Variants in SAG observed in about 807,000 individuals in gnomAD.
SAG encodes the protein S-antigen visual arrestin.
SAG carries 45 observed loss-of-function variants against 55.0 expected under a neutral mutation model. The observed-to-expected ratio is 0.82, with a 90% confidence interval of 0.64 to 1.05. The LOEUF (loss-of-function observed/expected upper bound fraction) is 1.05, where lower values mean the gene tolerates loss of function less well. Among genes scored for constraint, SAG ranks in the 50% least tolerant of loss-of-function variants. The pLI, the probability that SAG is intolerant of heterozygous loss-of-function variation, is 0.00. For missense variants in SAG, 455 were observed against 512.1 expected (o/e 0.89, Z 1.08); for synonymous variants, 189 against 197.4 (o/e 0.96, Z 0.36).
At chr2:233,326,157 G>A (rs189686172) in intron 6 of SAG, among the ~76,000 whole-genome samples, 8 of 152,254 alleles carry the variant, frequency 5.3e-5, no homozygotes, top group Admixed American at 2.0e-4. Context: ...TGGGGGCCAG[G>A]GGCTTCACAC....
intron 12 of SAG, among the ~76,000 whole-genome samples, chr2:233,339,897 A>G (rs1042081207): frequency 2.0e-5 from 3 of 151,880 alleles, no homozygotes; most frequent in Non-Finnish European, 4.4e-5. Flanking sequence ...TTCTGACCTC[A>G]AGTGATCTGC....
At chr2:233,317,105 G>C (rs1330451464) in intron 3 of SAG, among the ~76,000 whole-genome samples, 2 of 152,130 alleles carry the variant, frequency 1.3e-5, no homozygotes, top group African/African-American at 4.8e-5. Context: ...CAAGTGATCT[G>C]CCTGCCTTAG....
intron 6 of SAG, among the ~76,000 whole-genome samples, chr2:233,323,835 T>C (rs1175311232): frequency 1.3e-5 from 2 of 152,056 alleles, no homozygotes; most frequent in Non-Finnish European, 2.9e-5. Context: ...GTCTCACACA[T>C]TAACCGAGAG....
chr2:233,319,928 C>A lies in SAG; in HGVS notation c.182-702C>A. 1.0e-6 allele frequency: 1 copy of A among 985,580 alleles called. No homozygotes were observed. Among genetic ancestry groups the A allele is most frequent in the Non-Finnish European group, 1.2e-6 (1 of 829,952 alleles). 61.1% of individuals were successfully genotyped at this position (985,580 alleles called of 1,614,324 possible). On this transcript the variant is annotated intron_variant, in intron 4 of 15. Coordinates refer to ENST00000409110, the MANE Select transcript of SAG (RefSeq NM_000541.5). This position sits in a 1 kb window ranked among gnomAD's most constrained non-coding sequence, Gnocchi z 4.4. ...CCACGCACTTGGCGGGGCCGCCTCT[C>A]GTGCTTTATATTTGAGAAATATGTG... is the stretch of plus-strand genomic sequence containing the variant.
intron 14 of SAG, chr2:233,343,608 CAATCATTCTCTTTCT>C: frequency 9.2e-7 from 1 of 1,088,636 alleles, no homozygotes; most frequent in South Asian, 1.4e-5. Context: ...AATTTGATCT[CAATCATTCTCTTTCT>C]AAAAAGGTAA....
intron 13 of SAG, among the ~76,000 whole-genome samples, chr2:233,341,363 A>G (rs1023930605): frequency 6.6e-6 from 1 of 152,128 alleles, no homozygotes; most frequent in African/African-American, 2.4e-5. Context: ...ATGTTTCTTA[A>G]CTTGCTGCTG....
At chr2:233,331,477 A>G (rs1700760720) in intron 9 of SAG, 163 bp from the exon 10 acceptor site, 2 of 684,862 alleles carry the variant, frequency 2.9e-6, no homozygotes, top group Non-Finnish European at 5.3e-6. Flanking sequence ...CAGGACTTCA[A>G]AACCCCAGCC....
intron 2 of SAG, among the ~76,000 whole-genome samples, chr2:233,314,252 C>T (rs529067449): frequency 3.9e-5 from 6 of 151,958 alleles, no homozygotes; most frequent in African/African-American, 1.4e-4. Flanking sequence ...AGAAAGAGCT[C>T]CATGCGCCAC....
Position 233,340,568 on chromosome 2 carries a change from G to A in SAG, c.1046+90G>A. 1 of 996,278 alleles carries A rather than the reference G, an allele frequency of 1.0e-6. No homozygotes were observed. Among genetic ancestry groups the A allele is most frequent in the Non-Finnish European group, 1.6e-6 (1 of 638,830 alleles). The allele number at this position is 996,278 out of a possible 1,614,324, so 61.7% of individuals were successfully genotyped here. A position where few individuals can be genotyped will look rare whatever the true frequency, so the allele number is the denominator to read the frequency against. On this transcript the variant is annotated intron_variant, in intron 13 of 15. Transcript: ENST00000409110. The surrounding 1 kb of genome is among the most constrained non-coding windows in gnomAD (Gnocchi z 4.2). ...TCCAAAACGGTTTCTGATGAAAGCT[G>A]CTTTCTGGACAGTTGTGCTCAGAGG...
intron 12 of SAG, chr2:233,338,970 A>C: frequency 1.5e-6 from 1 of 660,338 alleles, no homozygotes; most frequent in Non-Finnish European, 2.8e-6. Flanking sequence ...GCAGACTCTG[A>C]AATGTGTGCA....
chr2:233,312,903 A>T (rs1346289480), intron 2 of SAG, among the ~76,000 whole-genome samples: 1 of 152,104 alleles, frequency 6.6e-6, no homozygotes, highest in East Asian at 1.9e-4. Context: ...CAGGGGCACA[A>T]TTGCCAGTTC....
rs961526984 is a variant in SAG at position 233,335,042 on chromosome 2, G to A, written c.887G>A (p.Gly296Asp). The A allele has an allele frequency of 3.1e-6, 5 of 1,613,996 alleles. No homozygotes were observed. Among genetic ancestry groups the A allele is most frequent in the Admixed American group, 1.7e-5 (1 of 60,030 alleles). The change falls in exon 11 of 16, where the codon GGC (glycine) becomes GAC (aspartate). Residue 296 changes from glycine (G) to aspartate (D), a missense_variant. Coordinates refer to ENST00000409110, the MANE Select transcript of SAG (RefSeq NM_000541.5). ...CTGGCTAACAATCGAGAAAGGAGAGGCATTGCCCTGGATGGGAAAATCAAG... is the reference window on the plus strand; with the variant it reads ...CTGGCTAACAATCGAGAAAGGAGAGACATTGCCCTGGATGGGAAAATCAAG... ...PLLANNRERRGIALDGKIKHE... is the reference protein window; with the variant it reads ...PLLANNRERRDIALDGKIKHE...
Position 233,339,538 on chromosome 2 carries a change from T to G in SAG, c.1022+785T>G, listed in dbSNP as rs764010188. 5.5e-4 allele frequency among the ~76,000 whole-genome samples: 22 copies of G among 39,748 alleles called. No homozygotes were observed. The Middle Eastern group carries it at 0.037, about 66-fold the overall frequency. The allele number at this position is 39,748 out of a possible 152,430, so 26.1% of individuals were successfully genotyped here. A position where few individuals can be genotyped will look rare whatever the true frequency, so the allele number is the denominator to read the frequency against. On this transcript the variant is annotated intron_variant, in intron 12 of 15. Transcript: ENST00000409110. ...TTTTGCATTTTTCGTTAGCATAGTG[T>G]TTTTTTTTTTTTTTTTTTCACTGTG... is the stretch of plus-strand genomic sequence containing the variant.
At position 233,319,568 on chromosome 2, in the gene SAG, A is replaced by G; in HGVS notation, c.181+773A>G. 1.0e-6 allele frequency: 1 copy of G among 985,432 alleles called. No individual in the cohort carries two copies. The highest frequency in any genetic ancestry group is 1.2e-6 in the Non-Finnish European group (1 of 831,422). The allele number at this position is 985,432 out of a possible 1,614,324, so 61.0% of individuals were successfully genotyped here. ...CCTGGATGTGCCACTGGAATACGTC[A>G]GCTATGGGGCCATCAGCATTGAGGG... On this transcript the variant is annotated intron_variant, in intron 4 of 15. Coordinates refer to ENST00000409110, the MANE Select transcript of SAG (RefSeq NM_000541.5). The surrounding 1 kb of genome is among the most constrained non-coding windows in gnomAD (Gnocchi z 4.4).
intron 13 of SAG, 89 bp from the exon 14 acceptor site, chr2:233,342,182 T>C (rs1017336477): frequency 9.7e-7 from 1 of 1,026,840 alleles, no homozygotes; most frequent in East Asian, 2.6e-5. Context: ...TGGGGATCTT[T>C]TGTGACTCTC....
chr2:233,315,863 C>T (rs544908245), intron 2 of SAG, among the ~76,000 whole-genome samples: 84 of 151,828 alleles, frequency 5.5e-4, no homozygotes, highest in African/African-American at 1.8e-3. Flanking sequence ...CCACCACGCC[C>T]AGCTAATTTT....
chr2:233,326,208 C>T (rs1043805114), intron 6 of SAG, among the ~76,000 whole-genome samples: 6 of 152,188 alleles, frequency 3.9e-5, no homozygotes, highest in Non-Finnish European at 8.8e-5. Context: ...TCCGTTCATT[C>T]AGCCCACACA....
chr2:233,310,158 G>A (rs1574923673), intron 2 of SAG, among the ~76,000 whole-genome samples: 2 of 152,320 alleles, frequency 1.3e-5, no homozygotes, highest in East Asian at 3.9e-4. Flanking sequence ...AGGGTCCACC[G>A]TCCAGCCTCT....
chr2:233,337,784 T>G (rs1009087984), intron 11 of SAG, among the ~76,000 whole-genome samples: 6 of 152,194 alleles, frequency 3.9e-5, no homozygotes, highest in African/African-American at 1.4e-4. Flanking sequence ...ATTATTTACA[T>G]GATTTTTGTT....
Sources: allele counts gnomAD v4.1 joint callset (sites outside exome capture counted in the v4.1 genomes callset), GRCh38; gene constraint gnomAD v4.1.1; non-coding constraint Gnocchi (gnomAD v3.1); transcripts MANE v1.5; gene names NCBI Gene and HGNC (gene_info 2026-07-23, HGNC 2026-07-21).